ZNF804B: variants seen among roughly 807,000 people sequenced by gnomAD.
ZNF804B encodes the protein zinc finger protein 804B, also known as zinc finger 804B.
In ZNF804B, 80 loss-of-function variants were observed where a neutral mutation model predicts 101.4. The ratio of observed to expected loss-of-function variants is 0.79; its 90% CI spans 0.66 to 0.95. The LOEUF (loss-of-function observed/expected upper bound fraction) is 0.95, where lower values mean the gene tolerates loss of function less well. Among genes scored for constraint, ZNF804B ranks in the 40% least tolerant of loss-of-function variants. The pLI, the probability that ZNF804B is intolerant of heterozygous loss-of-function variation, is 0.00. For missense variants in ZNF804B, 1,673 were observed against 1,561.9 expected (o/e 1.07, Z -1.20); for synonymous variants, 622 against 558.8 (o/e 1.11, Z -1.59).
chr7:89,266,974 G>A (rs7787004), intron 2 of ZNF804B, among the ~76,000 whole-genome samples: 26,444 of 151,800 alleles, frequency 0.17, 3,003 homozygotes, highest in African/African-American at 0.32. Flanking sequence ...AATCAATTTA[G>A]ATAATTCTGT....
chr7:89,256,984 A>T (rs1237382783), intron 2 of ZNF804B, among the ~76,000 whole-genome samples: 4 of 152,186 alleles, frequency 2.6e-5, no homozygotes, highest in African/African-American at 7.2e-5. Flanking sequence ...AAACTTTTTT[A>T]AAAAAGAGAA....
chr7:88,805,499 G>T (rs11526260), intron 1 of ZNF804B, among the ~76,000 whole-genome samples: 11 of 152,008 alleles, frequency 7.2e-5, no homozygotes, highest in African/African-American at 2.4e-4. Flanking sequence ...TTAACTCAAG[G>T]TACCTCCACA....
At chr7:89,042,917 A>G (rs1789038928) in intron 1 of ZNF804B, among the ~76,000 whole-genome samples, 1 of 152,226 alleles carries the variant, frequency 6.6e-6, no homozygotes, top group South Asian at 2.1e-4. Context: ...AGGTAATGAA[A>G]TAATGCATAT....
At chr7:89,162,708 G>T (rs1291064928) in intron 1 of ZNF804B, among the ~76,000 whole-genome samples, 5 of 150,566 alleles carry the variant, frequency 3.3e-5, no homozygotes, top group Non-Finnish European at 5.9e-5. Context: ...CAATGTGCAG[G>T]TTAGTTACAT....
In ZNF804B at chr7:89,334,438, C is replaced by T. The variant is rs757797153; in HGVS notation, c.1456C>T (p.Arg486Trp). The T allele has an allele frequency of 1.8e-5, 29 of 1,613,384 alleles. No homozygotes were observed. The highest frequency in any genetic ancestry group is 8.0e-5 in the African/African-American group (6 of 74,808). The change falls in exon 4 of 4, where the codon CGG becomes TGG. Residue 486 changes from arginine to tryptophan, a missense_variant. Arg to Trp is a moderately radical substitution (Grantham distance 101, BLOSUM62 -3). Coordinates refer to ENST00000333190, the MANE Select transcript of ZNF804B (RefSeq NM_181646.5). ...NPLYFDFKLSRNTKEDHNLED... is the reference protein window; with the variant it reads ...NPLYFDFKLSWNTKEDHNLED... Reference sequence around the variant, plus strand: ...ACTGTATTTTGATTTTAAGCTTTCTCGGAACACAAAGGAAGACCACAATCT... The same window carrying T: ...ACTGTATTTTGATTTTAAGCTTTCTTGGAACACAAAGGAAGACCACAATCT...
intron 2 of ZNF804B, among the ~76,000 whole-genome samples, chr7:89,317,223 A>G (rs1451057811): frequency 6.6e-6 from 1 of 152,220 alleles, no homozygotes; most frequent in Admixed American, 6.5e-5. Flanking sequence ...ACTTGTACAG[A>G]GAAGAAGACA....
intron 1 of ZNF804B, among the ~76,000 whole-genome samples, chr7:88,848,917 CA>C (rs553369529): frequency 1.4e-4 from 21 of 151,898 alleles, no homozygotes; most frequent in Non-Finnish European, 2.8e-4. Flanking sequence ...AGTTCCTGAA[CA>C]GGAGAGAGAT....
chr7:89,022,046 C>A (rs1788675937), intron 1 of ZNF804B, among the ~76,000 whole-genome samples: 1 of 152,084 alleles, frequency 6.6e-6, no homozygotes, highest in Non-Finnish European at 1.5e-5. Flanking sequence ...GGTGGAGTTT[C>A]TCCACTTACT....
intron 1 of ZNF804B, among the ~76,000 whole-genome samples, chr7:88,917,875 C>T (rs752368692): frequency 3.3e-5 from 5 of 152,018 alleles, no homozygotes; most frequent in Non-Finnish European, 5.9e-5. Context: ...ATGAGAATTA[C>T]TCAGAATACA....
chr7:88,849,681 T>A (rs1250084594), intron 1 of ZNF804B, among the ~76,000 whole-genome samples: 1 of 151,286 alleles, frequency 6.6e-6, no homozygotes, highest in Non-Finnish European at 1.5e-5. Flanking sequence ...AAGTTACTTC[T>A]TAAAATTTAA....
At chr7:89,062,249 C>T (rs929919612) in intron 1 of ZNF804B, among the ~76,000 whole-genome samples, 4 of 152,098 alleles carry the variant, frequency 2.6e-5, no homozygotes, top group Admixed American at 6.6e-5. Context: ...ATTTGAACTT[C>T]GTGACATGGA....
chr7:89,021,265 G>A (rs1788662739), intron 1 of ZNF804B, among the ~76,000 whole-genome samples: 2 of 152,198 alleles, frequency 1.3e-5, no homozygotes, highest in South Asian at 4.2e-4. Flanking sequence ...CAGTGGCCTG[G>A]GCTGAATATA....
chr7:89,244,814 A>G (rs1027201788), intron 2 of ZNF804B, among the ~76,000 whole-genome samples: 2 of 152,172 alleles, frequency 1.3e-5, no homozygotes, highest in Non-Finnish European at 2.9e-5. Context: ...CATCATCCAT[A>G]GTGCTAAGGG....
intron 2 of ZNF804B, among the ~76,000 whole-genome samples, chr7:89,321,358 A>C (rs966266259): frequency 6.6e-6 from 1 of 152,074 alleles, no homozygotes; most frequent in African/African-American, 2.4e-5. Context: ...AGGTGCCTGT[A>C]GTCCCAGCTA....
chr7:89,160,566 A>G (rs570559950), intron 1 of ZNF804B, among the ~76,000 whole-genome samples: 174 of 152,322 alleles, frequency 1.1e-3, no homozygotes, highest in South Asian at 1.9e-3. Context: ...GGATCATAAA[A>G]TAGAGTACAC....
At chr7:89,121,605 T>A (rs1055769132) in intron 1 of ZNF804B, among the ~76,000 whole-genome samples, 1 of 152,312 alleles carries the variant, frequency 6.6e-6, no homozygotes, top group Non-Finnish European at 1.5e-5. Flanking sequence ...AAACTAAGTA[T>A]TAGTTATCAT....
At chr7:89,185,056 C>T (rs1035903009) in intron 1 of ZNF804B, among the ~76,000 whole-genome samples, 1 of 151,936 alleles carries the variant, frequency 6.6e-6, no homozygotes, top group Non-Finnish European at 1.5e-5. Context: ...CTAAGGGATA[C>T]AAAATAAGTA....
intron 1 of ZNF804B, among the ~76,000 whole-genome samples, chr7:88,993,698 A>G (rs1043106022): frequency 5.9e-5 from 9 of 152,154 alleles, no homozygotes; most frequent in Non-Finnish European, 1.2e-4. Flanking sequence ...ATGCCAAAAC[A>G]TCTATGTATT....
chr7:88,925,934 C>A (rs944987174), intron 1 of ZNF804B, among the ~76,000 whole-genome samples: 3 of 152,010 alleles, frequency 2.0e-5, no homozygotes, highest in African/African-American at 7.2e-5. Flanking sequence ...GCTTCCTATG[C>A]AGGAGAATAA....
Sources: gnomAD v4.1 joint callset for allele counts (sites outside exome capture counted in the v4.1 genomes callset) on GRCh38, gnomAD v4.1.1 for gene constraint, MANE v1.5 for transcripts, NCBI Gene and HGNC (gene_info 2026-07-23, HGNC 2026-07-21) for gene names.